Variants in BMP1 observed in about 807,000 individuals in gnomAD.
BMP1 encodes bone morphogenetic protein 1.
BMP1 carries 63 observed loss-of-function variants against 116.8 expected under a neutral mutation model. That is an observed-to-expected ratio of 0.54 (90% CI 0.44 to 0.67). The LOEUF is 0.67. Ranked by LOEUF, BMP1 falls within the 30% of genes least tolerant of loss-of-function variation. The probability of loss-of-function intolerance (pLI) is 0.00; values close to 1 mark genes in which losing one functional copy is unlikely to be tolerated. For synonymous variants in BMP1, 536 were observed against 533.4 expected (o/e 1.00, Z -0.07); for missense variants, 1,183 against 1,358.9 (o/e 0.87, Z 2.04).
Position 22,177,151 on chromosome 8 carries a change from C to A in BMP1, c.730+12C>A. 1.3e-6 allele frequency: 2 copies of A among 1,586,574 alleles called. No individual in the cohort carries two copies. Among genetic ancestry groups the A allele is most frequent in the Non-Finnish European group, 1.7e-6 (2 of 1,163,526 alleles). Reference sequence around the variant, plus strand: ...GAACATCCAGCCAGGTAGGTACCTGCCCCTCGGTGCGGCCTTGGTGGGCGG... The same window carrying A: ...GAACATCCAGCCAGGTAGGTACCTGACCCTCGGTGCGGCCTTGGTGGGCGG... On this transcript the variant is annotated intron_variant, in intron 5 of 19. Coordinates refer to ENST00000306385, the MANE Select transcript of BMP1 (RefSeq NM_006129.5).
chr8:22,192,673 A>G (rs943872092), intron 9 of BMP1, among the ~76,000 whole-genome samples: 4 of 152,194 alleles, frequency 2.6e-5, no homozygotes, highest in African/African-American at 4.8e-5. Context: ...TGCATAGGAT[A>G]CTTTGTCCCG....
At chr8:22,181,416 C>T (rs1178334848) in intron 8 of BMP1, among the ~76,000 whole-genome samples, 1 of 152,212 alleles carries the variant, frequency 6.6e-6, no homozygotes, top group African/African-American at 2.4e-5. Flanking sequence ...GTAGGGTGGA[C>T]ACCGAGTGTG....
chr8:22,206,896 C>T lies in BMP1; in HGVS notation c.2276C>T (p.Thr759Ile), dbSNP rs1445810351. ...GTGACATCCACCAGTGGTACCATCA[C>T]CAGCCCCAACTGGCCTGACAAGTAT... Reference protein sequence around the residue: ...HKVTSTSGTITSPNWPDKYPS... With the variant: ...HKVTSTSGTIISPNWPDKYPS... Residue 759 changes from threonine (T) to isoleucine (I), a missense_variant, in exon 17 of 20, where the codon ACC becomes ATC. Thr to Ile is a moderately conservative substitution (Grantham distance 89, BLOSUM62 -1). Transcript: ENST00000306385. 1 of 1,614,216 alleles carries T rather than the reference C, an allele frequency of 6.2e-7. No individual in the cohort carries two copies. The highest frequency in any genetic ancestry group is 8.5e-7 in the Non-Finnish European group (1 of 1,180,032).
chr8:22,183,516 TG>T (rs1030722079), intron 8 of BMP1, among the ~76,000 whole-genome samples: 3 of 152,096 alleles, frequency 2.0e-5, no homozygotes, highest in African/African-American at 4.8e-5. Context: ...ACTCCATCCT[TG>T]GGAAATCTCA....
rs147672844 is a variant in BMP1, at chr8:22,199,367, G to A, written c.2107+1947G>A. ...TTCAGTCTGACCCCTGCCACCTTCC[G>A]GGGCATTTGGGCACTGTAGGGTGAG... is the stretch of plus-strand genomic sequence containing the variant. On this transcript the variant is annotated intron_variant, in intron 15 of 19. Coordinates refer to ENST00000306385, the MANE Select transcript of BMP1 (RefSeq NM_006129.5). 266 of 1,305,788 alleles carry A rather than the reference G, an allele frequency of 2.0e-4. 1 individual carries two copies. The African/African-American group carries it at 3.2e-3, about 16-fold the overall frequency. The allele number at this position is 1,305,788 out of a possible 1,614,324, so 80.9% of individuals were successfully genotyped here.
At position 22,207,429 on chromosome 8, in the gene BMP1, G is replaced by A. The variant is rs140324769; in HGVS notation, c.2488G>A (p.Val830Ile). Residue 830 changes from valine to isoleucine, a missense_variant, in exon 18 of 20, where the codon GTC (valine) becomes ATC (isoleucine). Coordinates refer to ENST00000306385, the MANE Select transcript of BMP1 (RefSeq NM_006129.5). ...CTGTGGGAGCAAGAAGCCCGAGCCC[G>A]TCCTGGCCACAGGCAGCCGCATGTT... Reference protein sequence around the residue: ...RFCGSKKPEPVLATGSRMFLR... With the variant: ...RFCGSKKPEPILATGSRMFLR... The A allele has an allele frequency of 9.2e-5, 149 of 1,614,088 alleles. No homozygotes were observed. Among genetic ancestry groups the A allele is most frequent in the African/African-American group, 3.6e-4 (27 of 75,068 alleles).
At chr8:22,187,137 C>A (rs115116405) in intron 8 of BMP1, among the ~76,000 whole-genome samples, 168 of 151,844 alleles carry the variant, frequency 1.1e-3, no homozygotes, top group African/African-American at 3.1e-3. Context: ...ACTACTGGCA[C>A]GTGCCACCAC....
In BMP1 at chr8:22,212,047, CTG is replaced by C. The variant is rs1829471543; in HGVS notation, c.*323_*324del. The C allele has an allele frequency of 4.9e-6, 2 of 405,800 alleles. 1 individual carries two copies. The highest frequency in any genetic ancestry group is 5.9e-5 in the South Asian group (2 of 33,632). 25.1% of individuals were successfully genotyped at this position (405,800 alleles called of 1,614,324 possible). A position where few individuals can be genotyped will look rare whatever the true frequency, so the allele number is the denominator to read the frequency against. On this transcript the variant is annotated 3_prime_UTR_variant, in exon 20 of 20. Coordinates refer to ENST00000306385, the MANE Select transcript of BMP1 (RefSeq NM_006129.5). ...TGTCAGCAGGACCCCATCGCCATCC[CTG>C]TGTCTCTACACGCTGTATTGTGTAT...
intron 8 of BMP1, among the ~76,000 whole-genome samples, chr8:22,187,249 C>T (rs1369045769): frequency 1.3e-5 from 2 of 152,046 alleles, no homozygotes; most frequent in African/African-American, 2.4e-5. Flanking sequence ...CCTGGGCCTC[C>T]CAAAGTGTTG....
intron 8 of BMP1, among the ~76,000 whole-genome samples, chr8:22,185,992 C>A (rs1171214182): frequency 6.6e-6 from 1 of 152,022 alleles, no homozygotes; most frequent in Non-Finnish European, 1.5e-5. Context: ...CCTGCCACCA[C>A]GCCCGGCTAA....
At position 22,195,480 on chromosome 8, in the gene BMP1, G is replaced by C. The variant is rs751062082; in HGVS notation, c.1658G>C (p.Arg553Pro). Reference protein sequence around the residue: ...NFFKEVDECSRPNRGGCEQRC... With the variant: ...NFFKEVDECSPPNRGGCEQRC... Reference sequence around the variant, plus strand: ...ACCACAGAGGTGGACGAGTGCTCTCGGCCCAACCGCGGGGGCTGTGAGCAG... The same window carrying C: ...ACCACAGAGGTGGACGAGTGCTCTCCGCCCAACCGCGGGGGCTGTGAGCAG... Residue 553 changes from arginine (R) to proline (P), a missense_variant, in exon 13 of 20, where the codon CGG (arginine) becomes CCG (proline). By Grantham distance (103) the Arg-to-Pro change is moderately radical. Transcript: ENST00000306385. 1.9e-6 allele frequency: 3 copies of C among 1,609,556 alleles called. No individual in the cohort carries two copies. Among genetic ancestry groups the C allele is most frequent in the Non-Finnish European group, 2.5e-6 (3 of 1,178,926 alleles).
In BMP1 at chr8:22,172,377, C is replaced by T. The variant is rs150190460; in HGVS notation, c.149-1225C>T. 1.5e-3 allele frequency among the ~76,000 whole-genome samples: 221 copies of T among 152,086 alleles called. 3 individuals carry two copies. Among genetic ancestry groups the T allele is most frequent in the Middle Eastern group, 6.8e-3 (2 of 294 alleles). On this transcript the variant is annotated intron_variant, in intron 1 of 19. Coordinates refer to ENST00000306385, the MANE Select transcript of BMP1 (RefSeq NM_006129.5). ...TCAAAAGGAAGACAGACAGTTCAGC[C>T]GGGTCTCTGGAAACATCCCTCCTCA...
intron 8 of BMP1, 128 bp from the exon 9 acceptor site, chr8:22,191,921 G>C: frequency 1.4e-6 from 1 of 719,234 alleles, no homozygotes; most frequent in South Asian, 1.8e-5. Flanking sequence ...AGCTCCTTTT[G>C]GGAGCCCCTT....
Position 22,191,334 on chromosome 8 carries a change from G to A in BMP1, c.1078-715G>A, listed in dbSNP as rs150102372. On this transcript the variant is annotated intron_variant, in intron 8 of 19. Coordinates refer to ENST00000306385, the MANE Select transcript of BMP1 (RefSeq NM_006129.5). ...GACTGGGGTCTGAGCTTTCTCACGC[G>A]TATGTCTCATCCCTCCCTAAGCCTG... 3.0e-3 allele frequency among the ~76,000 whole-genome samples: 463 copies of A among 152,338 alleles called. 2 individuals carry two copies. The highest frequency in any genetic ancestry group is 0.011 in the African/African-American group (440 of 41,582).
intron 4 of BMP1, 89 bp from the exon 5 acceptor site, chr8:22,176,872 C>T (rs564115217): frequency 4.0e-5 from 49 of 1,219,894 alleles, no homozygotes; most frequent in African/African-American, 1.5e-4. Flanking sequence ...GCTCCCCTGC[C>T]GCCCCGCCCC....
At position 22,207,305 on chromosome 8, in the gene BMP1, C is replaced by A. The variant is rs1487770203; in HGVS notation, c.2364C>A (p.Thr788=). Residue 788 remains threonine, a splice_region_variant and synonymous_variant, in exon 18 of 20, where the codon ACC becomes ACA. Transcript: ENST00000306385. ...SSTPGHRVKL[T]FMEMDIESQP... is the part of the protein sequence containing the mutation. ...GTGCTCCTTCCTCATCCCCCTAGAC[C>A]TTCATGGAGATGGACATCGAGTCCC... is the stretch of plus-strand genomic sequence containing the variant. 1.2e-6 allele frequency: 2 copies of A among 1,612,246 alleles called. No homozygotes were observed. Among genetic ancestry groups the A allele is most frequent in the African/African-American group, 2.7e-5 (2 of 74,900 alleles).
intron 19 of BMP1, among the ~76,000 whole-genome samples, chr8:22,210,516 AT>A (rs1563284676): frequency 6.6e-6 from 1 of 150,848 alleles, no homozygotes; most frequent in Non-Finnish European, 1.5e-5. Flanking sequence ...GCACTTTCAA[AT>A]ACACTGGCCC....
At chr8:22,187,543 G>T (rs1221023320) in intron 8 of BMP1, among the ~76,000 whole-genome samples, 1 of 144,420 alleles carries the variant, frequency 6.9e-6, no homozygotes, top group Non-Finnish European at 1.5e-5. Flanking sequence ...TAGAGACAGG[G>T]TTTCACCGTG....
rs1347652068 is a variant in BMP1, at chr8:22,176,293, T to A, written c.413T>A (p.Val138Asp). The change falls in exon 3 of 20, where the codon GTC (valine) becomes GAC (aspartate). Residue 138 changes from valine (V) to aspartate (D), a missense_variant. Physicochemically the swap from Val to Asp is radical, Grantham distance 152 (BLOSUM62 -3). This residue lies in a region of BMP1 where 40 missense variants were observed against 47.5 expected (regional missense o/e 0.84). Coordinates refer to ENST00000306385, the MANE Select transcript of BMP1 (RefSeq NM_006129.5). ...RVWPDGVIPF[V>D]IGGNFTGSQR... ...TGGCCCGATGGGGTCATCCCCTTTG[T>A]CATTGGGGGAAACTTCACTGGTGAG... 6.2e-7 allele frequency: 1 copy of A among 1,602,408 alleles called. No homozygotes were observed. The highest frequency in any genetic ancestry group is 8.5e-7 in the Non-Finnish European group (1 of 1,173,152).
Sources: allele counts gnomAD v4.1 joint callset (sites outside exome capture counted in the v4.1 genomes callset), GRCh38; gene constraint gnomAD v4.1.1; regional missense constraint gnomAD v4.1.1; transcripts MANE v1.5; gene names NCBI Gene and HGNC (gene_info 2026-07-23, HGNC 2026-07-21).